The following RASGRF2 variants were observed in gnomAD, a reference collection of about 807,000 sequenced individuals.
The protein encoded by RASGRF2 is Ras protein specific guanine nucleotide releasing factor 2.
In RASGRF2, 76 loss-of-function variants were observed where a neutral mutation model predicts 151.0. The ratio of observed to expected loss-of-function variants is 0.50; its 90% CI spans 0.42 to 0.61. The LOEUF is 0.61. RASGRF2 is among the 20% of genes least tolerant of loss of function. The probability of loss-of-function intolerance (pLI) is 0.00; values close to 1 mark genes in which losing one functional copy is unlikely to be tolerated. For missense variants in RASGRF2, 1,148 were observed against 1,564.6 expected (o/e 0.73, Z 4.49); for synonymous variants, 504 against 566.5 (o/e 0.89, Z 1.57).
At chr5:81,124,777 C>T (rs1009890434) in intron 16 of RASGRF2, among the ~76,000 whole-genome samples, 2 of 152,086 alleles carry the variant, frequency 1.3e-5, no homozygotes, top group African/African-American at 4.8e-5. Flanking sequence ...ATCCAAATAA[C>T]AGTTGTTTTG....
chr5:81,011,140 A>G (rs1289273511), intron 1 of RASGRF2, among the ~76,000 whole-genome samples: 4 of 152,224 alleles, frequency 2.6e-5, no homozygotes, highest in African/African-American at 9.6e-5. Flanking sequence ...GGTAACCACT[A>G]AATTCATTTT....
chr5:81,080,088 A>T (rs1385733700), intron 5 of RASGRF2, 33 bp from the exon 6 acceptor site: 2 of 1,586,698 alleles, frequency 1.3e-6, no homozygotes, highest in Non-Finnish European at 1.7e-6. Context: ...ACATTATAGC[A>T]ACTAAATTAT....
intron 17 of RASGRF2, among the ~76,000 whole-genome samples, chr5:81,174,387 C>A (rs1365723424): frequency 6.6e-6 from 1 of 152,110 alleles, no homozygotes; most frequent in Non-Finnish European, 1.5e-5. Flanking sequence ...CATAGAAAAA[C>A]CACAAGATAG....
chr5:80,974,709 A>G (rs1280863561), intron 1 of RASGRF2, among the ~76,000 whole-genome samples: 1 of 152,218 alleles, frequency 6.6e-6, no homozygotes, highest in Non-Finnish European at 1.5e-5. Flanking sequence ...ATCTATCTTC[A>G]GATGGGAATT....
chr5:81,039,020 T>A (rs1750598419), intron 1 of RASGRF2, among the ~76,000 whole-genome samples: 1 of 152,260 alleles, frequency 6.6e-6, no homozygotes, highest in Non-Finnish European at 1.5e-5. Context: ...AATCTTTTTT[T>A]ATGATTTGGG....
At chr5:81,055,727 C>T (rs1340208870) in intron 2 of RASGRF2, among the ~76,000 whole-genome samples, 1 of 152,118 alleles carries the variant, frequency 6.6e-6, no homozygotes, top group African/African-American at 2.4e-5. Flanking sequence ...CTTTGTACCT[C>T]TGGTAGAATT....
chr5:81,188,902 C>T (rs1033219672), intron 18 of RASGRF2, among the ~76,000 whole-genome samples: 26 of 152,278 alleles, frequency 1.7e-4, no homozygotes, highest in Middle Eastern at 3.4e-3. Flanking sequence ...AGATGCAGAC[C>T]GCTCAAAATG....
At chr5:81,047,699 C>T (rs546872200) in intron 2 of RASGRF2, among the ~76,000 whole-genome samples, 12 of 152,382 alleles carry the variant, frequency 7.9e-5, no homozygotes, top group African/African-American at 1.9e-4. Flanking sequence ...TTCACCCTGT[C>T]AGTCTCCAAC....
At chr5:81,005,067 G>A (rs73766156) in intron 1 of RASGRF2, among the ~76,000 whole-genome samples, 3,282 of 152,206 alleles carry the variant, frequency 0.022, 117 homozygotes, top group African/African-American at 0.073. Context: ...TACTTGTTCT[G>A]TATAGATTTG....
intron 1 of RASGRF2, among the ~76,000 whole-genome samples, chr5:80,994,400 G>A (rs1748763896): frequency 6.8e-6 from 1 of 147,988 alleles, no homozygotes; most frequent in Non-Finnish European, 1.5e-5. Context: ...GTAGGTCAAA[G>A]CAACGATCGA....
chr5:81,042,174 G>C (rs183642317), intron 1 of RASGRF2, among the ~76,000 whole-genome samples: 30 of 152,260 alleles, frequency 2.0e-4, no homozygotes, highest in Middle Eastern at 3.4e-3. Context: ...ATAAATGCCA[G>C]TTTTTTCCCT....
At chr5:81,003,089 C>T (rs1033568280) in intron 1 of RASGRF2, among the ~76,000 whole-genome samples, 10 of 152,062 alleles carry the variant, frequency 6.6e-5, no homozygotes, top group South Asian at 2.1e-4. Flanking sequence ...GAAAGTCTCG[C>T]TCTGTTGCCT....
chr5:81,051,082 T>C (rs770289322), intron 2 of RASGRF2, among the ~76,000 whole-genome samples: 30 of 152,230 alleles, frequency 2.0e-4, no homozygotes, highest in Non-Finnish European at 3.7e-4. Context: ...ATATAAATTA[T>C]CATCTCATGT....
rs369227178 is a variant in RASGRF2 at position 80,968,744 on chromosome 5, C to T, written c.288+7718C>T. ...TGTCACCTGGGCTGGAGTGAAGTGG[C>T]GCAGTCATAGCTTACTGAAGCCTTG... On this transcript the variant is annotated intron_variant, in intron 1 of 26. Transcript: ENST00000265080. Among the ~76,000 whole-genome samples the T allele has an allele frequency of 2.6e-5, 4 of 152,262 alleles. No homozygotes were observed. In the South Asian group the frequency reaches 6.2e-4, roughly 24 times the overall value.
chr5:81,082,123 G>C (rs1389060771), intron 7 of RASGRF2, among the ~76,000 whole-genome samples: 1 of 152,186 alleles, frequency 6.6e-6, no homozygotes, highest in Non-Finnish European at 1.5e-5. Context: ...TACAAAGGTA[G>C]AGTCGTGAAA....
chr5:81,056,827 A>G (rs1216131348), intron 2 of RASGRF2, among the ~76,000 whole-genome samples: 2 of 152,156 alleles, frequency 1.3e-5, no homozygotes, highest in South Asian at 2.1e-4. Context: ...TTGGGTGCCT[A>G]TATATTTAGG....
chr5:81,202,734 A>T (rs1433719818), intron 19 of RASGRF2, among the ~76,000 whole-genome samples: 1 of 152,252 alleles, frequency 6.6e-6, no homozygotes, highest in Non-Finnish European at 1.5e-5. Flanking sequence ...ATCCACTTTG[A>T]TTGGTGTCCT....
chr5:81,035,066 G>T (rs925317457), intron 1 of RASGRF2, among the ~76,000 whole-genome samples: 12 of 152,180 alleles, frequency 7.9e-5, no homozygotes, highest in African/African-American at 2.7e-4. Context: ...ATTCCTCAAG[G>T]ATCTAGAACT....
chr5:81,209,151 T>C (rs1447574055), intron 22 of RASGRF2, among the ~76,000 whole-genome samples: 1 of 152,188 alleles, frequency 6.6e-6, no homozygotes, highest in Non-Finnish European at 1.5e-5. Context: ...TCAGCCTGAA[T>C]TACATTCCAG....
Sources: allele counts gnomAD v4.1 joint callset (sites outside exome capture counted in the v4.1 genomes callset), GRCh38; gene constraint gnomAD v4.1.1; transcripts MANE v1.5; gene names NCBI Gene and HGNC (gene_info 2026-07-23, HGNC 2026-07-21).